The following STX7 variants were observed in gnomAD, a reference collection of about 807,000 sequenced individuals.
STX7 encodes the protein syntaxin-7.
A neutral mutation model predicts 39.6 loss-of-function variants in STX7; 34 were observed. The ratio of observed to expected loss-of-function variants is 0.86; its 90% confidence interval spans 0.65 to 1.14. The LOEUF is 1.14. Ranked by LOEUF, STX7 falls within the 50% of genes most tolerant of loss-of-function variation. The pLI is 0.00. For synonymous variants in STX7, 119 were observed against 99.1 expected (o/e 1.20, Z -1.19); for missense variants, 284 against 310.4 (o/e 0.92, Z 0.64).
chr6:132,475,130 T>TC (rs1185305882), intron 3 of STX7: 1 of 152,158 alleles, frequency 6.6e-6, no homozygotes, highest in Non-Finnish European at 1.5e-5. Context: ...AAGGAATTTT[T>TC]TTTTTTTTTT....
chr6:132,480,150 G>A (rs150715217), intron 2 of STX7, among the ~76,000 whole-genome samples: 137 of 152,056 alleles, frequency 9.0e-4, no homozygotes, highest in African/African-American at 3.0e-3. Flanking sequence ...TCCACACACC[G>A]ATGCTTCTGC....
chr6:132,472,865 C>T (rs966465780), intron 3 of STX7, among the ~76,000 whole-genome samples: 23 of 151,698 alleles, frequency 1.5e-4, no homozygotes, highest in African/African-American at 4.8e-4. Context: ...AAAAAAAAGG[C>T]GGGGGGGAGG....
intron 9 of STX7, chr6:132,461,809 A>G (rs1774411741): frequency 2.0e-6 from 3 of 1,525,288 alleles, no homozygotes; most frequent in South Asian, 1.3e-5. Flanking sequence ...GTTCAGTTGT[A>G]GATTTCTTTA....
intron 2 of STX7, among the ~76,000 whole-genome samples, chr6:132,488,971 G>A (rs1775209493): frequency 6.6e-6 from 1 of 152,112 alleles, no homozygotes; most frequent in Non-Finnish European, 1.5e-5. Context: ...GGAGGCCAAG[G>A]TAAGCAGATC....
At chr6:132,510,619 G>A (rs1176006660) in intron 1 of STX7, among the ~76,000 whole-genome samples, 1 of 152,196 alleles carries the variant, frequency 6.6e-6, no homozygotes, top group East Asian at 1.9e-4. Context: ...CCTTTCAAAT[G>A]TTCAAAAATT....
chr6:132,451,740 A>C lies in STX7; in HGVS notation c.*9018T>G, dbSNP rs1774140188. ...GTCACAACTCAATATGAAATAGATA[A>C]ATTAAACAGCCATATAACTATTGTA... On this transcript the variant is annotated 3_prime_UTR_variant, in exon 10 of 10. Transcript: ENST00000367941. 1 of 152,182 alleles carries C rather than the reference A, an allele frequency of 6.6e-6. No homozygotes were observed. The highest frequency in any genetic ancestry group is 2.1e-4 in the South Asian group (1 of 4,826). 9.4% of individuals were successfully genotyped at this position (152,182 alleles called of 1,614,324 possible). A position where few individuals can be genotyped will look rare whatever the true frequency, so the allele number is the denominator to read the frequency against.
chr6:132,491,098 T>C (rs1467396097), intron 2 of STX7, among the ~76,000 whole-genome samples: 2 of 148,386 alleles, frequency 1.3e-5, no homozygotes, highest in Non-Finnish European at 3.0e-5. Context: ...GCCAGGAAAA[T>C]CAAACTCATT....
intron 2 of STX7, among the ~76,000 whole-genome samples, chr6:132,486,428 T>G (rs995152729): frequency 1.3e-5 from 2 of 152,186 alleles, no homozygotes; most frequent in Admixed American, 6.5e-5. Context: ...GAAGTAGAAT[T>G]TGTCAAATGC....
chr6:132,481,743 C>A (rs1775021050), intron 2 of STX7, among the ~76,000 whole-genome samples: 2 of 151,556 alleles, frequency 1.3e-5, no homozygotes, highest in Non-Finnish European at 2.9e-5. Flanking sequence ...ACAAAAAAAC[C>A]CCAAAAGTAC....
intron 6 of STX7, 43 bp downstream of exon 6, chr6:132,470,531 G>GA (rs1236371436): frequency 6.7e-7 from 1 of 1,490,574 alleles, no homozygotes; most frequent in Non-Finnish European, 9.3e-7. Context: ...TATAAACTTT[G>GA]AAAAATTACC....
chr6:132,482,900 G>A (rs910279018), intron 2 of STX7, among the ~76,000 whole-genome samples: 2 of 151,830 alleles, frequency 1.3e-5, no homozygotes, highest in African/African-American at 2.4e-5. Context: ...ATTATGGCCC[G>A]TAGAGCCTGA....
chr6:132,507,093 T>C (rs569104701), intron 1 of STX7, among the ~76,000 whole-genome samples: 28 of 152,312 alleles, frequency 1.8e-4, no homozygotes, highest in Non-Finnish European at 2.8e-4. Flanking sequence ...AAGTGGAACC[T>C]AAATAATGTG....
intron 2 of STX7, among the ~76,000 whole-genome samples, chr6:132,495,606 G>C (rs1775403210): frequency 6.6e-6 from 1 of 151,762 alleles, no homozygotes; most frequent in African/African-American, 2.4e-5. Context: ...TAATTTCTCA[G>C]GACTGGAGCT....
intron 2 of STX7, among the ~76,000 whole-genome samples, chr6:132,493,545 C>A (rs771321993): frequency 2.0e-5 from 3 of 152,146 alleles, no homozygotes; most frequent in Non-Finnish European, 2.9e-5. Flanking sequence ...TGCCCATGGC[C>A]ATGTAAGAAG....
At chr6:132,483,706 C>T (rs977934378) in intron 2 of STX7, among the ~76,000 whole-genome samples, 3 of 152,172 alleles carry the variant, frequency 2.0e-5, no homozygotes, top group Non-Finnish European at 4.4e-5. Flanking sequence ...AGTTCTTCCC[C>T]TTCTAGAAGG....
At chr6:132,508,570 G>A (rs1044095893) in intron 1 of STX7, among the ~76,000 whole-genome samples, 4 of 152,202 alleles carry the variant, frequency 2.6e-5, no homozygotes, top group Non-Finnish European at 5.9e-5. Flanking sequence ...GAGTGCAGTG[G>A]TGTGATTACG....
At chr6:132,502,886 G>A (rs1249416375) in intron 2 of STX7, among the ~76,000 whole-genome samples, 1 of 151,722 alleles carries the variant, frequency 6.6e-6, no homozygotes, top group Non-Finnish European at 1.5e-5. Flanking sequence ...GCGACAGAGT[G>A]AGGCTGTCTC....
chr6:132,508,526 G>A (rs976112049), intron 1 of STX7, among the ~76,000 whole-genome samples: 5 of 152,110 alleles, frequency 3.3e-5, no homozygotes, highest in Non-Finnish European at 5.9e-5. Context: ...TTTGTTTGGC[G>A]TTGTTGTTGT....
intron 2 of STX7, among the ~76,000 whole-genome samples, chr6:132,500,829 G>A (rs1775540214): frequency 6.6e-6 from 1 of 152,030 alleles, no homozygotes; most frequent in Non-Finnish European, 1.5e-5. Flanking sequence ...TCCTTTTTCT[G>A]GTCACTGATA....
Sources: allele counts gnomAD v4.1 joint callset (sites outside exome capture counted in the v4.1 genomes callset), GRCh38; gene constraint gnomAD v4.1.1; transcripts MANE v1.5; gene names NCBI Gene and HGNC (gene_info 2026-07-23, HGNC 2026-07-21).